The following ANKRD30B variants were observed in gnomAD, a reference collection of about 807,000 sequenced individuals.
The protein encoded by ANKRD30B is ankyrin repeat domain-containing protein 30B.
Under a neutral mutation model 202.2 loss-of-function variants are expected in ANKRD30B, and 144 were observed. The observed-to-expected ratio is 0.71, with a 90% CI of 0.62 to 0.82. The LOEUF (loss-of-function observed/expected upper bound fraction) is 0.82. Among genes scored for constraint, ANKRD30B ranks in the 40% least tolerant of loss-of-function variants. The pLI is 0.00. For synonymous variants in ANKRD30B, 508 were observed against 561.3 expected, an observed-to-expected ratio of 0.91 and a Z score of 1.34; for missense variants, 1,487 against 1,669.1, an observed-to-expected ratio of 0.89 and a Z score of 1.90.
At chr18:14,913,919 C>A in the ANKRD30B span, among the ~76,000 whole-genome samples, 1 of 152,188 alleles carries the variant, frequency 6.6e-6, no homozygotes, top group Non-Finnish European at 1.5e-5. Context: ...CTTAATTAAT[C>A]TTTACAAAAG....
intron 9 of ANKRD30B, among the ~76,000 whole-genome samples, chr18:14,776,741 G>C (rs963948294): frequency 6.6e-6 from 1 of 152,136 alleles, no homozygotes; most frequent in East Asian, 1.9e-4. Flanking sequence ...TGTGTATTAA[G>C]AATGAATTGC....
At chr18:14,831,181 G>GGA (rs1267118242) in intron 33 of ANKRD30B, among the ~76,000 whole-genome samples, 2 of 52,358 alleles carry the variant, frequency 3.8e-5, no homozygotes, top group African/African-American at 7.5e-5. Context: ...CTCCGTCTCG[G>GGA]AAAAAAAAAA....
the ANKRD30B span, among the ~76,000 whole-genome samples, chr18:14,906,530 A>G: frequency 1.3e-5 from 2 of 152,228 alleles, no homozygotes; most frequent in Admixed American, 1.3e-4. Context: ...GGACTGCACA[A>G]ATGATTACAC....
In ANKRD30B at chr18:14,809,891, C is replaced by A. The variant is rs1041571780; in HGVS notation, c.2387-95C>A. The A allele has an allele frequency of 6.9e-6, 8 of 1,165,284 alleles. No homozygotes were observed. The Admixed American group carries it at 1.4e-4, about 21-fold the overall frequency. The allele number at this position is 1,165,284 out of a possible 1,614,324, so 72.2% of individuals were successfully genotyped here. A position where few individuals can be genotyped will look rare whatever the true frequency, so the allele number is the denominator to read the frequency against. Reference sequence around the variant, plus strand: ...TAGTGTAATCCCTTTTCAATCCAAGCATGAGGATTCATCTTCATATTCACA... The same window carrying A: ...TAGTGTAATCCCTTTTCAATCCAAGAATGAGGATTCATCTTCATATTCACA... On this transcript the variant is annotated intron_variant, in intron 26 of 43. Coordinates refer to ENST00000690538, the MANE Select transcript of ANKRD30B (RefSeq NM_001367607.2).
rs780682468 is a variant in ANKRD30B, at chr18:14,808,631, A to G, written c.2314-41A>G. The G allele has an allele frequency of 3.1e-5, 48 of 1,561,070 alleles. 3 individuals carry two copies. Among genetic ancestry groups the G allele is most frequent in the Non-Finnish European group, 3.9e-5 (45 of 1,150,292 alleles). ...AATATTAACTACATATTTTTGAAGTATACATTATATATTAATTTTTGTGTT... is the reference window on the plus strand; with the variant it reads ...AATATTAACTACATATTTTTGAAGTGTACATTATATATTAATTTTTGTGTT... On this transcript the variant is annotated intron_variant, in intron 25 of 43. Transcript: ENST00000690538.
chr18:14,880,180 C>T, the ANKRD30B span, among the ~76,000 whole-genome samples: 6 of 152,202 alleles, frequency 3.9e-5, no homozygotes, highest in South Asian at 1.2e-3. Flanking sequence ...TGTCGAAGAT[C>T]AGTTGGCTGT....
intron 39 of ANKRD30B, among the ~76,000 whole-genome samples, chr18:14,845,412 A>G (rs1971595672): frequency 6.6e-6 from 1 of 152,292 alleles, no homozygotes; most frequent in East Asian, 1.9e-4. Context: ...TCACATTTCA[A>G]TGAATTTGTC....
the ANKRD30B span, among the ~76,000 whole-genome samples, chr18:14,895,632 T>C: frequency 6.6e-6 from 1 of 152,146 alleles, no homozygotes; most frequent in African/African-American, 2.4e-5. Flanking sequence ...ACATATCCAA[T>C]AGGTAAATGG....
chr18:14,804,997 T>G (rs1346280032), intron 24 of ANKRD30B, among the ~76,000 whole-genome samples: 1 of 150,758 alleles, frequency 6.6e-6, no homozygotes, highest in East Asian at 1.9e-4. Flanking sequence ...TTTGGAATCA[T>G]GAGGATTACT....
chr18:14,880,717 C>A, the ANKRD30B span, among the ~76,000 whole-genome samples: 1 of 152,046 alleles, frequency 6.6e-6, no homozygotes, highest in Non-Finnish European at 1.5e-5. Flanking sequence ...AGGCATGCAC[C>A]ACCGTGCTTG....
intron 39 of ANKRD30B, among the ~76,000 whole-genome samples, chr18:14,848,442 A>G (rs1384861814): frequency 6.6e-6 from 1 of 152,126 alleles, no homozygotes; most frequent in East Asian, 1.9e-4. Context: ...GGCCTAGTAC[A>G]GATCCTATTC....
At chr18:14,862,925 C>T in the ANKRD30B span, among the ~76,000 whole-genome samples, 8 of 152,204 alleles carry the variant, frequency 5.3e-5, no homozygotes, top group Non-Finnish European at 7.3e-5. Flanking sequence ...TTGCCTGAGG[C>T]CTGTTGCCCC....
the ANKRD30B span, among the ~76,000 whole-genome samples, chr18:14,864,391 A>T: frequency 6.6e-6 from 1 of 152,092 alleles, no homozygotes; most frequent in Non-Finnish European, 1.5e-5. Flanking sequence ...AAATCATATC[A>T]ATTATTTTTT....
intron 10 of ANKRD30B, 138 bp from the exon 11 acceptor site, chr18:14,779,822 T>A: frequency 1.8e-6 from 1 of 558,128 alleles, no homozygotes; most frequent in Non-Finnish European, 3.1e-6. Context: ...ACTATAGAAG[T>A]GGTGGTTGTT....
chr18:14,798,752 C>T (rs907193295), intron 20 of ANKRD30B, among the ~76,000 whole-genome samples: 3 of 152,140 alleles, frequency 2.0e-5, no homozygotes, highest in East Asian at 1.9e-4. Flanking sequence ...GTGAAACCTC[C>T]CTGACGGCAC....
At chr18:14,847,544 TCTACTCAGTGTAG>T (rs1248060618) in intron 39 of ANKRD30B, among the ~76,000 whole-genome samples, 1 of 111,514 alleles carries the variant, frequency 9.0e-6, no homozygotes, top group African/African-American at 4.0e-5. Flanking sequence ...TATGCTCATA[TCTACTCAGTGTAG>T]CTTTCATCTG....
At chr18:14,932,603 G>T in the ANKRD30B span, among the ~76,000 whole-genome samples, 2 of 152,142 alleles carry the variant, frequency 1.3e-5, no homozygotes, top group Non-Finnish European at 2.9e-5. Context: ...CTCCCAAAGT[G>T]CTGGGATTAC....
intron 33 of ANKRD30B, among the ~76,000 whole-genome samples, chr18:14,829,981 G>C (rs1173623336): frequency 2.0e-5 from 3 of 152,182 alleles, no homozygotes; most frequent in South Asian, 2.1e-4. Context: ...GCAGGGGGAA[G>C]ATTGGCTGTC....
intron 34 of ANKRD30B, among the ~76,000 whole-genome samples, chr18:14,835,262 A>G (rs974411937): frequency 6.6e-6 from 1 of 151,772 alleles, no homozygotes. Flanking sequence ...CTCATAATAT[A>G]GGTATGTAAT....
Sources: allele counts gnomAD v4.1 joint callset (sites outside exome capture counted in the v4.1 genomes callset), GRCh38; gene constraint gnomAD v4.1.1; transcripts MANE v1.5; gene names NCBI Gene and HGNC (gene_info 2026-07-23, HGNC 2026-07-21).